DMD: variants seen among roughly 807,000 people sequenced by gnomAD.
The protein encoded by DMD is dystrophin.
DMD carries 63 observed loss-of-function variants against 330.1 expected under a neutral mutation model. That is an observed-to-expected ratio of 0.19 (90% CI 0.16 to 0.24). DMD has a LOEUF of 0.24. Ranked by LOEUF, DMD falls within the 10% of genes least tolerant of loss-of-function variation. DMD has a pLI of 1.00. For synonymous variants in DMD, 1,223 were observed against 959.8 expected (o/e 1.27, Z -5.07); for missense variants, 3,344 against 2,684.1 (o/e 1.25, Z -5.43).
At chrX:31,480,937 G>A (rs2068236289) in intron 57 of DMD, among the ~76,000 whole-genome samples, 1 of 111,914 alleles carries the variant, frequency 8.9e-6, no homozygotes, top group South Asian at 3.7e-4. Flanking sequence ...GCTTCCAGGA[G>A]AAGCTAGTAA....
intron 51 of DMD, among the ~76,000 whole-genome samples, chrX:31,771,504 T>C (rs972657452): frequency 9.2e-6 from 1 of 108,228 alleles, no homozygotes; most frequent in Admixed American, 1.0e-4. Context: ...TTTTTCCCCC[T>C]AAATTTTTTT....
intron 2 of DMD, among the ~76,000 whole-genome samples, chrX:32,859,381 T>C (rs1441151890): frequency 9.3e-6 from 1 of 106,999 alleles, no homozygotes; most frequent in African/African-American, 3.4e-5. Flanking sequence ...GGCAGGAGAA[T>C]CGCTAGAACT....
At chrX:32,695,007 A>G (rs2063544944) in intron 9 of DMD, among the ~76,000 whole-genome samples, 1 of 112,092 alleles carries the variant, frequency 8.9e-6, no homozygotes, top group Admixed American at 9.5e-5. Flanking sequence ...AGACAGCAGG[A>G]GGATAATAAA....
chrX:31,284,569 C>CTTCTTCTTCTTCTTCTTCTTCTTCTT (rs2052929745), intron 62 of DMD, among the ~76,000 whole-genome samples: 1 of 61,695 alleles, frequency 1.6e-5, no homozygotes, highest in African/African-American at 6.4e-5. Context: ...TCTTCTTCTT[C>CTTCTTCTTCTTCTTCTTCTTCTTCTT]TTCTTCTTCT....
chrX:31,221,756 C>G (rs142969235), intron 64 of DMD, among the ~76,000 whole-genome samples: 19 of 112,776 alleles, frequency 1.7e-4, no homozygotes, highest in Non-Finnish European at 3.0e-4. Context: ...TCCATCAGAG[C>G]AGAAACTGTG....
At chrX:31,235,496 G>A (rs1199206374) in intron 63 of DMD, among the ~76,000 whole-genome samples, 1 of 112,322 alleles carries the variant, frequency 8.9e-6, no homozygotes, top group Non-Finnish European at 1.9e-5. Flanking sequence ...AGGGAAAAAA[G>A]ATGAGAAAAA....
chrX:31,237,364 A>G (rs750915080), intron 63 of DMD, among the ~76,000 whole-genome samples: 1 of 112,637 alleles, frequency 8.9e-6, no homozygotes, highest in African/African-American at 3.2e-5. Context: ...GAAGAGGGGA[A>G]CAGGTGGTAT....
At chrX:32,828,515 C>A (rs1168677146) in intron 4 of DMD, among the ~76,000 whole-genome samples, 1 of 109,028 alleles carries the variant, frequency 9.2e-6, no homozygotes, top group Non-Finnish European at 1.9e-5. Flanking sequence ...ATATACGCAT[C>A]ATTTCAGGGA....
intron 7 of DMD, among the ~76,000 whole-genome samples, chrX:32,749,450 AATG>A (rs1312375515): frequency 8.9e-6 from 1 of 112,249 alleles, no homozygotes; most frequent in Non-Finnish European, 1.9e-5. Flanking sequence ...TGAGTACAAT[AATG>A]ATATTATCCA....
At chrX:33,113,926 G>A (rs5927143) in intron 1 of DMD, among the ~76,000 whole-genome samples, 44,449 of 109,267 alleles carry the variant, frequency 0.41, 7,532 homozygotes, top group Non-Finnish European at 0.52. Context: ...ATAGTGATAA[G>A]TTAATCTTTA....
At chrX:32,326,195 A>T (rs1382563942) in intron 41 of DMD, among the ~76,000 whole-genome samples, 1 of 112,037 alleles carries the variant, frequency 8.9e-6, no homozygotes, top group African/African-American at 3.2e-5. Flanking sequence ...ACCTAATTCC[A>T]AATAACAAGT....
intron 50 of DMD, among the ~76,000 whole-genome samples, chrX:31,793,454 C>T (rs1210314555): frequency 9.0e-6 from 1 of 111,071 alleles, no homozygotes; most frequent in Non-Finnish European, 1.9e-5. Context: ...ACCCATCATA[C>T]GTTGAAAACA....
chrX:31,382,828 A>C (rs566434678), intron 60 of DMD, among the ~76,000 whole-genome samples: 1 of 110,321 alleles, frequency 9.1e-6, no homozygotes, highest in Non-Finnish European at 1.9e-5. Context: ...ATCACCCATT[A>C]TCTCTCCACA....
chrX:32,088,369 C>T (rs961019017), intron 44 of DMD, among the ~76,000 whole-genome samples: 5 of 110,003 alleles, frequency 4.5e-5, no homozygotes, highest in Admixed American at 9.8e-5. Context: ...ACAGGTTCCA[C>T]GGTGGAACCT....
At chrX:32,965,557 AG>A (rs2092118991) in intron 2 of DMD, among the ~76,000 whole-genome samples, 1 of 109,236 alleles carries the variant, frequency 9.2e-6, no homozygotes, top group African/African-American at 3.3e-5. Flanking sequence ...AAATGTTTAG[AG>A]TAGAAGTGAT....
At chrX:32,834,040 A>G (rs900493584) in intron 4 of DMD, among the ~76,000 whole-genome samples, 4 of 111,550 alleles carry the variant, frequency 3.6e-5, no homozygotes, top group African/African-American at 9.7e-5. Context: ...TTATGTTTGT[A>G]TATTTGTATC....
At chrX:32,877,841 C>T (rs1357229965) in intron 2 of DMD, among the ~76,000 whole-genome samples, 1 of 111,913 alleles carries the variant, frequency 8.9e-6, no homozygotes, top group African/African-American at 3.2e-5. Context: ...AGTTTAGGCC[C>T]AGGTTTTCCT....
intron 12 of DMD, among the ~76,000 whole-genome samples, chrX:32,607,766 A>G (rs776814619): frequency 6.3e-5 from 7 of 110,530 alleles, no homozygotes; most frequent in Non-Finnish European, 1.1e-4. Context: ...TTTCCCTAAA[A>G]TGCATTTTAA....
intron 17 of DMD, among the ~76,000 whole-genome samples, chrX:32,542,398 C>G (rs113864367): frequency 0.027 from 3,070 of 111,900 alleles, 110 homozygotes; most frequent in African/African-American, 0.094. Context: ...CGCCACTGCA[C>G]TCCAGCCTGG....
Sources: allele counts gnomAD v4.1 joint callset (sites outside exome capture counted in the v4.1 genomes callset), GRCh38; gene constraint gnomAD v4.1.1; transcripts MANE v1.5; gene names NCBI Gene and HGNC (gene_info 2026-07-23, HGNC 2026-07-21).